PTPRO: variants seen among roughly 807,000 people sequenced by gnomAD.
PTPRO encodes protein tyrosine phosphatase receptor type O, also known as receptor-type tyrosine-protein phosphatase O.
Under a neutral mutation model 145.2 loss-of-function variants are expected in PTPRO, and 62 were observed. That is an observed-to-expected ratio of 0.43 (90% CI 0.35 to 0.53). The LOEUF (loss-of-function observed/expected upper bound fraction) is 0.53. Among genes scored for constraint, PTPRO ranks in the 20% least tolerant of loss-of-function variants. The pLI is 0.01. For missense variants in PTPRO, 1,345 were observed against 1,482.7 expected, an observed-to-expected ratio of 0.91 and a Z score of 1.53; for synonymous variants, 565 against 514.7, an observed-to-expected ratio of 1.10 and a Z score of -1.32.
At chr12:15,336,015 A>C (rs1236647815) in intron 1 of PTPRO, among the ~76,000 whole-genome samples, 4 of 152,164 alleles carry the variant, frequency 2.6e-5, no homozygotes, top group Non-Finnish European at 5.9e-5. Context: ...TGATATCTTT[A>C]AGCCTGAATC....
chr12:15,501,693 C>A lies in PTPRO; in HGVS notation c.735C>A (p.Gly245=). ...LNKNNWEEQS[G]NFPEESFMRS... The stretch of plus-strand genomic sequence containing the variant: ...AAAACAACTGGGAAGAACAGAGTGG[C>A]AATTTCCCAGAAGAATCCTTCATGA... Residue 245 remains glycine, a synonymous_variant, in exon 5 of 27, where the codon GGC becomes GGA. Transcript: ENST00000281171. 6.2e-7 allele frequency: 1 copy of A among 1,613,858 alleles called. No individual in the cohort carries two copies. Among genetic ancestry groups the A allele is most frequent in the Non-Finnish European group, 8.5e-7 (1 of 1,179,836 alleles).
At chr12:15,543,805 G>A (rs1427272154) in intron 12 of PTPRO, among the ~76,000 whole-genome samples, 1 of 152,166 alleles carries the variant, frequency 6.6e-6, no homozygotes, top group Non-Finnish European at 1.5e-5. Flanking sequence ...TCAAGGAGGA[G>A]GTAAGACTTT....
chr12:15,340,596 T>A (rs1866945856), intron 1 of PTPRO, among the ~76,000 whole-genome samples: 1 of 152,222 alleles, frequency 6.6e-6, no homozygotes, highest in Non-Finnish European at 1.5e-5. Context: ...TTCTTCAGTG[T>A]AATAGATTTG....
At chr12:15,486,052 C>T (rs957487138) in intron 2 of PTPRO, among the ~76,000 whole-genome samples, 1 of 152,068 alleles carries the variant, frequency 6.6e-6, no homozygotes, top group Non-Finnish European at 1.5e-5. Flanking sequence ...AAGTACCGAC[C>T]AGGTCACGTT....
At chr12:15,484,936 C>G (rs1486076851) in intron 2 of PTPRO, among the ~76,000 whole-genome samples, 1 of 152,054 alleles carries the variant, frequency 6.6e-6, no homozygotes, top group Non-Finnish European at 1.5e-5. Flanking sequence ...ACTCTACTGT[C>G]TATGTTGACA....
In PTPRO at chr12:15,551,691, T is replaced by C. The variant is rs754274209; in HGVS notation, c.2558+20T>C. On this transcript the variant is annotated intron_variant, in intron 15 of 26. Coordinates refer to ENST00000281171, the MANE Select transcript of PTPRO (RefSeq NM_030667.3). The stretch of plus-strand genomic sequence containing the variant: ...GGCTAGGTAAGTTAAGTTTTACTAA[T>C]ATTTTATCCGGAATCTTTAAAATAT... The C allele has an allele frequency of 1.9e-6, 3 of 1,610,312 alleles. No homozygotes were observed. The highest frequency in any genetic ancestry group is 4.5e-5 in the East Asian group (2 of 44,782).
intron 1 of PTPRO, among the ~76,000 whole-genome samples, chr12:15,386,401 T>G (rs748989350): frequency 2.2e-4 from 33 of 152,246 alleles, no homozygotes; most frequent in Non-Finnish European, 4.4e-4. Flanking sequence ...AATGGAGCAG[T>G]TAACCAGTAG....
intron 1 of PTPRO, among the ~76,000 whole-genome samples, chr12:15,329,940 C>T (rs191843341): frequency 5.5e-4 from 84 of 152,252 alleles, no homozygotes; most frequent in Admixed American, 2.4e-3. Flanking sequence ...GAAAACTGCA[C>T]GAGCAAAGGC....
At chr12:15,386,828 C>T (rs1483378600) in intron 1 of PTPRO, among the ~76,000 whole-genome samples, 1 of 152,138 alleles carries the variant, frequency 6.6e-6, no homozygotes, top group Admixed American at 6.5e-5. Context: ...TTGGCTTTGT[C>T]AGGCACTCGT....
intron 1 of PTPRO, among the ~76,000 whole-genome samples, chr12:15,371,891 A>C (rs1012920294): frequency 8.5e-5 from 13 of 152,076 alleles, no homozygotes; most frequent in African/African-American, 3.1e-4. Flanking sequence ...CTTGTGAAGA[A>C]GGTGCCTTAT....
At chr12:15,458,060 C>T (rs1416268452) in intron 1 of PTPRO, among the ~76,000 whole-genome samples, 1 of 152,168 alleles carries the variant, frequency 6.6e-6, no homozygotes, top group Non-Finnish European at 1.5e-5. Context: ...TGAATTTCCT[C>T]AGCTTGTGTT....
Position 15,532,883 on chromosome 12 carries a change from A to G in PTPRO, c.2164+6621A>G, listed in dbSNP as rs905084255. Among the ~76,000 whole-genome samples the G allele has an allele frequency of 5.9e-5, 9 of 152,186 alleles. 1 individual carries two copies. Among genetic ancestry groups the G allele is most frequent in the African/African-American group, 2.2e-4 (9 of 41,458 alleles). ...TCCTTTTTCCAAGCTTTACTAATAC[A>G]GGAAGCTATTAAGTGTTTCTCAGGT... On this transcript the variant is annotated intron_variant, in intron 12 of 26. Transcript: ENST00000281171.
intron 1 of PTPRO, among the ~76,000 whole-genome samples, chr12:15,356,236 T>C (rs1158098984): frequency 6.6e-6 from 1 of 152,210 alleles, no homozygotes; most frequent in African/African-American, 2.4e-5. Flanking sequence ...GAACATTATA[T>C]ACAATAATAC....
At chr12:15,342,119 AG>A (rs942662176) in intron 1 of PTPRO, among the ~76,000 whole-genome samples, 1 of 152,160 alleles carries the variant, frequency 6.6e-6, no homozygotes, top group African/African-American at 2.4e-5. Flanking sequence ...TTAACACGGT[AG>A]TACTTTCTTT....
At chr12:15,401,668 T>C (rs73303716) in intron 1 of PTPRO, among the ~76,000 whole-genome samples, 5,339 of 152,310 alleles carry the variant, frequency 0.035, 312 homozygotes, top group African/African-American at 0.12. Flanking sequence ...AAATTGTTTA[T>C]TCATATGAAC....
At chr12:15,386,821 G>C (rs1939043222) in intron 1 of PTPRO, among the ~76,000 whole-genome samples, 1 of 152,098 alleles carries the variant, frequency 6.6e-6, no homozygotes, top group South Asian at 2.1e-4. Flanking sequence ...TAGTTAATTG[G>C]CTTTGTCAGG....
chr12:15,378,520 A>G lies in PTPRO; in HGVS notation c.75+55719A>G, dbSNP rs528780836. On this transcript the variant is annotated intron_variant, in intron 1 of 26. Coordinates refer to ENST00000281171, the MANE Select transcript of PTPRO (RefSeq NM_030667.3). ...ACAATAATGGAAACTGAATAGACCT[A>G]TAGCAAGTAAAACAATTAAATTAGT... Among the ~76,000 whole-genome samples the G allele has an allele frequency of 4.6e-5, 7 of 152,284 alleles. No homozygotes were observed. The South Asian group carries it at 1.2e-3, about 27-fold the overall frequency.
At chr12:15,519,557 G>A (rs531621515) in intron 9 of PTPRO, among the ~76,000 whole-genome samples, 3 of 152,236 alleles carry the variant, frequency 2.0e-5, no homozygotes, top group African/African-American at 7.2e-5. Flanking sequence ...TGCTTCTCCT[G>A]GATCCTGGGG....
At chr12:15,541,141 A>G (rs1314469713) in intron 12 of PTPRO, among the ~76,000 whole-genome samples, 1 of 152,210 alleles carries the variant, frequency 6.6e-6, no homozygotes, top group Non-Finnish European at 1.5e-5. Flanking sequence ...AGGAAATTTG[A>G]CCTTTTGGAG....
Sources: allele counts gnomAD v4.1 joint callset (sites outside exome capture counted in the v4.1 genomes callset), GRCh38; gene constraint gnomAD v4.1.1; transcripts MANE v1.5; gene names NCBI Gene and HGNC (gene_info 2026-07-23, HGNC 2026-07-21).